ADGRA3: variants seen among roughly 807,000 people sequenced by gnomAD.
The protein encoded by ADGRA3 is G-protein coupled receptor 125.
A neutral mutation model predicts 119.8 loss-of-function variants in ADGRA3; 56 were observed. That is an observed-to-expected ratio of 0.47 (90% confidence interval 0.38 to 0.58). The LOEUF is 0.58. ADGRA3 is among the 20% of genes least tolerant of loss of function. The probability of loss-of-function intolerance (pLI) is 0.00; values close to 1 mark genes in which losing one functional copy is unlikely to be tolerated. For missense variants in ADGRA3, 1,516 were observed against 1,649.0 expected (o/e 0.92, Z 1.40); for synonymous variants, 607 against 623.8 (o/e 0.97, Z 0.40).
intron 1 of ADGRA3, among the ~76,000 whole-genome samples, chr4:22,483,942 A>G (rs964244246): frequency 6.6e-6 from 1 of 152,094 alleles, no homozygotes; most frequent in African/African-American, 2.4e-5. Context: ...GCTGCCAGCT[A>G]ACTTATAAGA....
chr4:22,392,256 C>T (rs2108994423), intron 17 of ADGRA3, among the ~76,000 whole-genome samples: 1 of 152,326 alleles, frequency 6.6e-6, no homozygotes, highest in South Asian at 2.1e-4. Context: ...GATTATATGG[C>T]CAATCCCCTC....
intron 3 of ADGRA3, among the ~76,000 whole-genome samples, chr4:22,456,942 T>C (rs1288521508): frequency 6.6e-6 from 1 of 152,206 alleles, no homozygotes; most frequent in Non-Finnish European, 1.5e-5. Context: ...AAATCCCAGT[T>C]GATTTTCCTT....
intron 11 of ADGRA3, among the ~76,000 whole-genome samples, chr4:22,421,882 A>C (rs112903790): frequency 0.015 from 187 of 12,244 alleles, no homozygotes; most frequent in African/African-American, 0.033. Context: ...CTCAGTCTCC[A>C]AAAAAAAAAA....
chr4:22,450,730 G>A (rs1345128887), intron 4 of ADGRA3, among the ~76,000 whole-genome samples: 2 of 151,930 alleles, frequency 1.3e-5, no homozygotes, highest in Non-Finnish European at 2.9e-5. Context: ...GCAATTAAAT[G>A]CAATCTCCAT....
chr4:22,460,323 T>C (rs552000628), intron 3 of ADGRA3, among the ~76,000 whole-genome samples: 45 of 152,244 alleles, frequency 3.0e-4, no homozygotes, highest in African/African-American at 1.1e-3. Flanking sequence ...CTACAGGCAA[T>C]TGAAAAGCAG....
At chr4:22,459,084 G>A (rs1196757054) in intron 3 of ADGRA3, among the ~76,000 whole-genome samples, 3 of 151,916 alleles carry the variant, frequency 2.0e-5, no homozygotes, top group African/African-American at 7.3e-5. Context: ...GCCTGAGAGA[G>A]AAAAATAGGA....
chr4:22,398,241 G>T, intron 16 of ADGRA3: 1 of 543,830 alleles, frequency 1.8e-6, no homozygotes, highest in Non-Finnish European at 2.3e-6. Flanking sequence ...TATATGCCTG[G>T]TACTCTTGAG....
chr4:22,429,924 A>C (rs1462992), intron 10 of ADGRA3, among the ~76,000 whole-genome samples: 147,087 of 152,244 alleles, frequency 0.97, 71,070 homozygotes, highest in South Asian at 0.98. Context: ...ACAATTCCCA[A>C]GTGTTGTGAG....
At chr4:22,492,134 T>C (rs1841823) in intron 1 of ADGRA3, among the ~76,000 whole-genome samples, 75,428 of 152,002 alleles carry the variant, frequency 0.5, 19,695 homozygotes, top group East Asian at 0.61. Flanking sequence ...ACTGGAAAAA[T>C]TGCATTTGGT....
Position 22,436,587 on chromosome 4 carries a change from G to C in ADGRA3, c.1140C>G (p.Thr380=), listed in dbSNP as rs1156924954. ...TTCCGGGATATATCCCACTGCCATGGGTGTTCCGCGTACACTGCAGATATG... is the reference window on the plus strand; with the variant it reads ...TTCCGGGATATATCCCACTGCCATGCGTGTTCCGCGTACACTGCAGATATG... ...ITAYLQCTRN[T]HGSGIYPGNP... The change falls in exon 9 of 19, where the codon ACC becomes ACG. Residue 380 remains threonine, a synonymous_variant. Transcript: ENST00000334304. 4 of 1,614,048 alleles carry C rather than the reference G, an allele frequency of 2.5e-6. No homozygotes were observed. The highest frequency in any genetic ancestry group is 3.4e-6 in the Non-Finnish European group (4 of 1,179,976).
chr4:22,513,200 C>T (rs1719512764), intron 1 of ADGRA3, among the ~76,000 whole-genome samples: 2 of 149,314 alleles, frequency 1.3e-5, no homozygotes, highest in South Asian at 2.1e-4. Context: ...GGCTGGAGCG[C>T]AATGGTGCCT....
chr4:22,448,216 C>G (rs2012656), intron 4 of ADGRA3, among the ~76,000 whole-genome samples: 1 of 152,190 alleles, frequency 6.6e-6, no homozygotes, highest in South Asian at 2.1e-4. Context: ...CTCTAGAGCT[C>G]GGGGGAGGAC....
chr4:22,474,031 C>G (rs1257265086), intron 1 of ADGRA3, among the ~76,000 whole-genome samples, 188 bp from the exon 2 acceptor site: 2 of 152,128 alleles, frequency 1.3e-5, no homozygotes, highest in Non-Finnish European at 2.9e-5. Flanking sequence ...AAGTAGTTTA[C>G]TCATGCATCT....
intron 2 of ADGRA3, among the ~76,000 whole-genome samples, chr4:22,464,700 G>C (rs893897762): frequency 1.3e-5 from 2 of 152,178 alleles, no homozygotes; most frequent in African/African-American, 2.4e-5. Flanking sequence ...ATGAAGGTCA[G>C]AGGTAAAGGG....
chr4:22,492,204 T>A (rs1577380675), intron 1 of ADGRA3, among the ~76,000 whole-genome samples: 1 of 152,170 alleles, frequency 6.6e-6, no homozygotes, highest in East Asian at 1.9e-4. Context: ...AGAAAGTCCA[T>A]CCCAACCAGC....
intron 1 of ADGRA3, among the ~76,000 whole-genome samples, chr4:22,496,841 CTGGCAAATGA>C (rs1034663231): frequency 1.6e-4 from 24 of 152,328 alleles, no homozygotes; most frequent in African/African-American, 5.3e-4. Flanking sequence ...TCCGGGGCCA[CTGGCAAATGA>C]TGGCACATGT....
intron 1 of ADGRA3, among the ~76,000 whole-genome samples, chr4:22,510,999 A>G (rs1024751828): frequency 6.6e-6 from 1 of 152,242 alleles, no homozygotes; most frequent in Non-Finnish European, 1.5e-5. Flanking sequence ...GTGATGTCCA[A>G]AATAATTATT....
At chr4:22,453,184 G>C (rs1203156391) in intron 4 of ADGRA3, among the ~76,000 whole-genome samples, 2 of 129,570 alleles carry the variant, frequency 1.5e-5, no homozygotes, top group African/African-American at 6.0e-5. Context: ...CTGGGCGACA[G>C]AGCGAGACTC....
chr4:22,418,763 C>G (rs146301723), intron 12 of ADGRA3, among the ~76,000 whole-genome samples: 2 of 152,106 alleles, frequency 1.3e-5, no homozygotes, highest in African/African-American at 4.8e-5. Context: ...ATCAGAACAG[C>G]CTGCACAGAA....
Sources: allele counts gnomAD v4.1 joint callset (sites outside exome capture counted in the v4.1 genomes callset), GRCh38; gene constraint gnomAD v4.1.1; transcripts MANE v1.5; gene names NCBI Gene and HGNC (gene_info 2026-07-23, HGNC 2026-07-21).